Variants in ZNF738 observed in about 807,000 individuals in gnomAD.
ZNF738 encodes the protein protein ZNF738.
A neutral mutation model predicts 9.2 loss-of-function variants in ZNF738; 10 were observed. The ratio of observed to expected loss-of-function variants is 1.09; its 90% CI spans 0.67 to 1.85. The LOEUF (loss-of-function observed/expected upper bound fraction) is 1.85, where lower values mean the gene tolerates loss of function less well. Among genes scored for constraint, ZNF738 ranks in the 40% most tolerant of loss-of-function variants. ZNF738 has a pLI of 0.00. For missense variants in ZNF738, 346 were observed against 283.6 expected, an observed-to-expected ratio of 1.22 and a Z score of -1.58; for synonymous variants, 113 against 94.5, an observed-to-expected ratio of 1.20 and a Z score of -1.14.
At position 21,386,077 on chromosome 19, in the gene ZNF738, A is replaced by G. The variant is rs1372768172; in HGVS notation, c.*2403A>G. 2.6e-5 allele frequency among the ~76,000 whole-genome samples: 4 copies of G among 151,718 alleles called. No individual in the cohort carries two copies. The highest frequency in any genetic ancestry group is 9.7e-5 in the African/African-American group (4 of 41,284). The stretch of plus-strand genomic sequence containing the variant: ...CATACCTTATTAAACATAAAATCTT[A>G]CAGGAGAGAAATTATACAAATGTGA... On this transcript the variant is annotated 3_prime_UTR_variant, in exon 5 of 5. Transcript: ENST00000683779.
intron 2 of ZNF738, among the ~76,000 whole-genome samples, chr19:21,367,957 A>G (rs1973807016): frequency 6.6e-6 from 1 of 152,234 alleles, no homozygotes; most frequent in Non-Finnish European, 1.5e-5. Context: ...TCTACCTAGC[A>G]TTATGGAGCA....
In ZNF738 at chr19:21,383,025, G is replaced by T; in HGVS notation, c.479G>T (p.Gly160Val). ...SVNECNVQKE[G>V]YNELKEYLTT... ...AATGAGTGTAATGTGCAAAAAGAAG[G>T]TTATAATGAACTAAAAGAGTATTTG... Residue 160 changes from glycine to valine, a missense_variant, in exon 5 of 5, where the codon GGT (glycine) becomes GTT (valine). Transcript: ENST00000683779. The T allele has an allele frequency of 1.2e-6, 1 of 817,750 alleles. No individual in the cohort carries two copies. The highest frequency in any genetic ancestry group is 2.1e-6 in the Non-Finnish European group (1 of 469,582). The allele number at this position is 817,750 out of a possible 1,614,324, so 50.7% of individuals were successfully genotyped here. A position where few individuals can be genotyped will look rare whatever the true frequency, so the allele number is the denominator to read the frequency against.
rs112992034 is a variant in ZNF738 at position 21,373,499 on chromosome 19, G to A, written c.97-1739G>A. ...TCCATTACTGTAGCAGAAATTGCTG[G>A]TGTTTGTGGCAAAAGCAGGCACCTG... On this transcript the variant is annotated intron_variant, in intron 2 of 4. Transcript: ENST00000683779. 6.4e-3 allele frequency among the ~76,000 whole-genome samples: 969 copies of A among 152,268 alleles called. 15 individuals are homozygous for A. The highest frequency in any genetic ancestry group is 0.021 in the African/African-American group (891 of 41,546).
chr19:21,375,511 GA>G (rs916841395), intron 3 of ZNF738, 147 bp downstream of exon 3: 10 of 508,902 alleles, frequency 2.0e-5, no homozygotes, highest in Middle Eastern at 6.2e-4. Flanking sequence ...TATCCATGCA[GA>G]AAAAAATTTC....
chr19:21,379,015 C>T (rs1321980830), intron 4 of ZNF738: 2 of 151,742 alleles, frequency 1.3e-5, no homozygotes, highest in Admixed American at 1.3e-4. Context: ...TGTTCAGCTT[C>T]TTCATTTTTA....
chr19:21,369,801 G>C (rs1464875770), intron 2 of ZNF738, among the ~76,000 whole-genome samples: 1 of 151,336 alleles, frequency 6.6e-6, no homozygotes, highest in Non-Finnish European at 1.5e-5. Flanking sequence ...GCAATGTAAT[G>C]CTTCCAGCTT....
In ZNF738 at chr19:21,383,348, G is replaced by T; in HGVS notation, c.802G>T (p.Gly268Cys). Residue 268 changes from glycine to cysteine, a missense_variant, in exon 5 of 5, where the codon GGT becomes TGT. Physicochemically the swap from Gly to Cys is radical, Grantham distance 159 (BLOSUM62 -3). Coordinates refer to ENST00000683779, the MANE Select transcript of ZNF738 (RefSeq NM_001355237.2). ...CTACAAACATGAAGAATGTGGAAAAGGTTTTAACCACTCCACAACTCTTAC... is the reference window on the plus strand; with the variant it reads ...CTACAAACATGAAGAATGTGGAAAATGTTTTAACCACTCCACAACTCTTAC... Reference protein sequence around the residue: ...KSYKHEECGKGFNHSTTLTRH... With the variant: ...KSYKHEECGKCFNHSTTLTRH... 1.6e-6 allele frequency: 2 copies of T among 1,239,224 alleles called. No individual in the cohort carries two copies. 76.8% of individuals were successfully genotyped at this position (1,239,224 alleles called of 1,614,324 possible).
At chr19:21,365,329 C>T (rs1973761422) in intron 2 of ZNF738, among the ~76,000 whole-genome samples, 1 of 152,096 alleles carries the variant, frequency 6.6e-6, no homozygotes, top group South Asian at 2.1e-4. Flanking sequence ...CTTAGAATGC[C>T]TAACCATCTG....
intron 1 of ZNF738, 112 bp downstream of exon 1, chr19:21,359,255 C>T (rs1243672712): frequency 2.4e-6 from 2 of 823,254 alleles, no homozygotes; most frequent in East Asian, 4.8e-5. Context: ...CAATCTGCGC[C>T]CCGAGTTCTC....
In ZNF738 at chr19:21,383,060, C is replaced by G. The variant is rs1974024460; in HGVS notation, c.514C>G (p.Gln172Glu). ...NELKEYLTTT[Q>E]SKIFQCDKYV... The stretch of plus-strand genomic sequence containing the variant: ...ACTAAAAGAGTATTTGACAACTACC[C>G]AGAGCAAAATATTTCAATGTGATAA... The change falls in exon 5 of 5, where the codon CAG becomes GAG. Residue 172 changes from glutamine to glutamate, a missense_variant. By Grantham distance (29) the Gln-to-Glu change is conservative. Coordinates refer to ENST00000683779, the MANE Select transcript of ZNF738 (RefSeq NM_001355237.2). 2 of 1,171,932 alleles carry G rather than the reference C, an allele frequency of 1.7e-6. No individual in the cohort carries two copies. The highest frequency in any genetic ancestry group is 1.3e-6 in the Non-Finnish European group (1 of 785,164). 72.6% of individuals were successfully genotyped at this position (1,171,932 alleles called of 1,614,324 possible).
chr19:21,376,175 C>T (rs553425029), intron 4 of ZNF738: 1 of 370,896 alleles, frequency 2.7e-6, no homozygotes, highest in East Asian at 5.4e-5. Flanking sequence ...TTTAAATTCT[C>T]TAAGGATTCT....
At chr19:21,380,147 C>T (rs1440690333) in intron 4 of ZNF738, among the ~76,000 whole-genome samples, 8 of 152,160 alleles carry the variant, frequency 5.3e-5, no homozygotes, top group African/African-American at 1.9e-4. Context: ...ATGAGGACCA[C>T]ATTCCAAAAA....
intron 2 of ZNF738, among the ~76,000 whole-genome samples, chr19:21,367,249 T>A (rs1973795686): frequency 6.6e-6 from 1 of 152,206 alleles, no homozygotes; most frequent in Non-Finnish European, 1.5e-5. Context: ...TTGACTTTCC[T>A]CAGTTGTATA....
In ZNF738 at chr19:21,384,215, A is replaced by G. The variant is rs1974040233; in HGVS notation, c.*541A>G. 2 of 1,402,518 alleles carry G rather than the reference A, an allele frequency of 1.4e-6. No individual in the cohort carries two copies. The highest frequency in any genetic ancestry group is 1.4e-5 in the African/African-American group (1 of 70,838). 86.9% of individuals were successfully genotyped at this position (1,402,518 alleles called of 1,614,324 possible). A position where few individuals can be genotyped will look rare whatever the true frequency, so the allele number is the denominator to read the frequency against. On this transcript the variant is annotated 3_prime_UTR_variant, in exon 5 of 5. Transcript: ENST00000683779. ...TTAACTGGTACTCACGCCTTACTAC[A>G]CATAAGAGAATTCATACTGGTGAGA...
rs549187967 is a variant in ZNF738, at chr19:21,366,845, A to G, written c.96+4987A>G. On this transcript the variant is annotated intron_variant, in intron 2 of 4. Coordinates refer to ENST00000683779, the MANE Select transcript of ZNF738 (RefSeq NM_001355237.2). ...ATGACCAGAGGTCACTCTCATCACC[A>G]TCTTGGTTTTGGTGGCTTTTATCCC... 1.2e-4 allele frequency among the ~76,000 whole-genome samples: 18 copies of G among 152,254 alleles called. No homozygotes were observed. The South Asian group carries it at 1.5e-3, about 12-fold the overall frequency.
chr19:21,364,080 C>G (rs1157268805), intron 2 of ZNF738, among the ~76,000 whole-genome samples: 2 of 149,776 alleles, frequency 1.3e-5, no homozygotes, highest in African/African-American at 2.5e-5. Context: ...ACCTGTAGCC[C>G]CAGTGACTTA....
intron 4 of ZNF738, chr19:21,378,489 C>T (rs768759965): frequency 1.4e-5 from 3 of 219,374 alleles, no homozygotes; most frequent in African/African-American, 2.4e-5. Context: ...GTATTATACT[C>T]ACTTGATAAC....
At chr19:21,361,383 G>A (rs1011328125) in intron 1 of ZNF738, among the ~76,000 whole-genome samples, 7 of 151,986 alleles carry the variant, frequency 4.6e-5, no homozygotes, top group Admixed American at 6.5e-5. Context: ...CAGGTGATCC[G>A]CCCGCCTCGG....
At position 21,383,718 on chromosome 19, in the gene ZNF738, A is replaced by G. The variant is rs1390701713; in HGVS notation, c.*44A>G. On this transcript the variant is annotated 3_prime_UTR_variant, in exon 5 of 5. Coordinates refer to ENST00000683779, the MANE Select transcript of ZNF738 (RefSeq NM_001355237.2). ...GTATTCGCAACCCTTACTAGACATA[A>G]GATAATTCATACTGAAGAGAAACCC... 2.0e-5 allele frequency: 21 copies of G among 1,049,734 alleles called. 1 individual carries two copies. In the Admixed American group the frequency reaches 3.7e-4, roughly 18 times the overall value. 65.0% of individuals were successfully genotyped at this position (1,049,734 alleles called of 1,614,324 possible). A position where few individuals can be genotyped will look rare whatever the true frequency, so the allele number is the denominator to read the frequency against.
Sources: allele counts gnomAD v4.1 joint callset (sites outside exome capture counted in the v4.1 genomes callset), GRCh38; gene constraint gnomAD v4.1.1; transcripts MANE v1.5; gene names NCBI Gene and HGNC (gene_info 2026-07-23, HGNC 2026-07-21).